The following SLC12A7 variants were observed in gnomAD, a reference collection of about 807,000 sequenced individuals.
SLC12A7 encodes solute carrier family 12 member 7, also known as K-Cl cotransporter 4.
Under a neutral mutation model 120.6 loss-of-function variants are expected in SLC12A7, and 100 were observed. The observed-to-expected ratio is 0.83, with a 90% CI of 0.71 to 0.98. SLC12A7 has a LOEUF of 0.98. Among genes scored for constraint, SLC12A7 ranks in the 50% least tolerant of loss-of-function variants. The pLI, the probability that SLC12A7 is intolerant of heterozygous loss-of-function variation, is 0.00. For missense variants in SLC12A7, 1,373 were observed against 1,548.1 expected (o/e 0.89, Z 1.90); for synonymous variants, 760 against 678.0 (o/e 1.12, Z -1.88).
At position 1,052,184 on chromosome 5, in the gene SLC12A7, C is replaced by CA. The variant is rs1169616092; in HGVS notation, c.*175dup. On this transcript the variant is annotated 3_prime_UTR_variant, in exon 24 of 24. Coordinates refer to ENST00000264930, the MANE Select transcript of SLC12A7 (RefSeq NM_006598.3). ...ATTTGCTGAGCCTGTTAAGGCTGAA[C>CA]AGGAGAGCCCTAGGTGACGGGCCTA... The CA allele has an allele frequency of 1.6e-6, 1 of 615,506 alleles. No individual in the cohort carries two copies. The highest frequency in any genetic ancestry group is 2.7e-5 in the East Asian group (1 of 36,774). The allele number at this position is 615,506 out of a possible 1,614,324, so 38.1% of individuals were successfully genotyped here. A position where few individuals can be genotyped will look rare whatever the true frequency, so the allele number is the denominator to read the frequency against.
At chr5:1,066,033 G>A (rs910047352) in intron 17 of SLC12A7, among the ~76,000 whole-genome samples, 6 of 152,100 alleles carry the variant, frequency 3.9e-5, no homozygotes, top group African/African-American at 1.2e-4. Flanking sequence ...ACCACGGAAC[G>A]GCTTGACTCC....
At chr5:1,079,537 T>G in intron 9 of SLC12A7, 41 bp from the exon 10 acceptor site, 2 of 1,529,528 alleles carry the variant, frequency 1.3e-6, no homozygotes, top group Non-Finnish European at 1.8e-6. Flanking sequence ...ATCTGAGGAG[T>G]CAGTGCCATG....
intron 5 of SLC12A7, among the ~76,000 whole-genome samples, chr5:1,088,098 C>T (rs1373056895): frequency 1.3e-5 from 2 of 152,158 alleles, no homozygotes; most frequent in South Asian, 2.1e-4. Context: ...ACGGTCACCA[C>T]GCAGCAAAAT....
At chr5:1,128,321 G>A in the SLC12A7 span, among the ~76,000 whole-genome samples, 2 of 152,202 alleles carry the variant, frequency 1.3e-5, no homozygotes, top group African/African-American at 2.4e-5. Context: ...GAGCTCTCAC[G>A]GAGCAGTCAG....
rs201059617 is a variant in SLC12A7, at chr5:1,076,778, G to T, written c.1664C>A (p.Thr555Lys). The T allele has an allele frequency of 1.2e-6, 2 of 1,610,988 alleles. No individual in the cohort carries two copies. The highest frequency in any genetic ancestry group is 1.7e-5 in the Admixed American group (1 of 60,008). The change falls in exon 13 of 24, where the codon ACG becomes AAG. Residue 555 changes from threonine (T) to lysine (K), a missense_variant. Coordinates refer to ENST00000264930, the MANE Select transcript of SLC12A7 (RefSeq NM_006598.3). Reference protein sequence around the residue: ...FGHGKANGEPTWALLLTVLIC... With the variant: ...FGHGKANGEPKWALLLTVLIC... ...GAGGACTGTCAGCAGCAGCGCCCAC[G>T]TGGGCTCCCCGTTGGCCTTCCCGTG...
intron 21 of SLC12A7, among the ~76,000 whole-genome samples, chr5:1,058,249 G>A (rs1400244808): frequency 5.9e-5 from 9 of 152,242 alleles, no homozygotes; most frequent in African/African-American, 1.2e-4. Flanking sequence ...TGTAGGCGCC[G>A]AAGGGGAAGT....
In SLC12A7 at chr5:1,053,377, A is replaced by T. The variant is rs749285491; in HGVS notation, c.3132T>A (p.Pro1044=). The stretch of plus-strand genomic sequence containing the variant: ...TCTCGTCTCCCTGCCGGTTTTTGGG[A>T]GGACCTGGCATGTTGAGCAGGACCA... ...AQLVLLNMPG[P]PKNRQGDENY... is the part of the protein sequence containing the mutation. Residue 1044 remains proline (P), a synonymous_variant, in exon 23 of 24, where the codon CCT becomes CCA. Transcript: ENST00000264930. 3 of 1,613,828 alleles carry T rather than the reference A, an allele frequency of 1.9e-6. No individual in the cohort carries two copies. The highest frequency in any genetic ancestry group is 2.5e-6 in the Non-Finnish European group (3 of 1,179,972).
intron 20 of SLC12A7, among the ~76,000 whole-genome samples, chr5:1,062,669 AGGGCTGGGGGGCTGGG>A (rs201629110): frequency 2.3e-5 from 2 of 85,850 alleles, no homozygotes; most frequent in East Asian, 3.9e-4. Flanking sequence ...TGCCATACCC[AGGGCTGGGGGGCTGGG>A]GGGCTGGGGG....
intron 5 of SLC12A7, among the ~76,000 whole-genome samples, chr5:1,087,391 C>T (rs1338583279): frequency 6.6e-6 from 1 of 152,244 alleles, no homozygotes; most frequent in African/African-American, 2.4e-5. Flanking sequence ...ATGAAAAAGG[C>T]AAAAGAGAAA....
At chr5:1,104,356 G>A (rs183744551) in intron 1 of SLC12A7, among the ~76,000 whole-genome samples, 24 of 152,306 alleles carry the variant, frequency 1.6e-4, no homozygotes, top group African/African-American at 5.8e-4. Context: ...CCGGCTGCAC[G>A]TCTGCAAGGT....
chr5:1,113,970 C>A (rs1454024542), upstream of SLC12A7, among the ~76,000 whole-genome samples: 1 of 152,236 alleles, frequency 6.6e-6, no homozygotes, highest in Non-Finnish European at 1.5e-5. Flanking sequence ...GCTCCCGTCG[C>A]ACATCCAAGC....
Position 1,073,772 on chromosome 5 carries a change from T to TCCAGGTTCAGCATCA in SLC12A7, c.2087_2101dup (p.Val696_Leu700dup). The TCCAGGTTCAGCATCA allele has an allele frequency of 1.4e-6, 2 of 1,478,408 alleles. No individual in the cohort carries two copies. Among genetic ancestry groups the TCCAGGTTCAGCATCA allele is most frequent in the Non-Finnish European group, 1.8e-6 (2 of 1,110,452 alleles). The allele number at this position is 1,478,408 out of a possible 1,614,324, so 91.6% of individuals were successfully genotyped here. On this transcript the variant is annotated inframe_insertion, in exon 17 of 24. Transcript: ENST00000264930. ...GGGGTGCTTCACGGCCTGCTCCGCGTCCAGGTTCAGCATCACCAGCACCTG... is the reference window on the plus strand; with the variant it reads ...GGGGTGCTTCACGGCCTGCTCCGCGTCCAGGTTCAGCATCACCAGGTTCAGCATCACCAGCACCTG...
At chr5:1,096,558 A>G (rs919768520) in intron 1 of SLC12A7, among the ~76,000 whole-genome samples, 2 of 151,472 alleles carry the variant, frequency 1.3e-5, no homozygotes, top group Non-Finnish European at 2.9e-5. Flanking sequence ...TTTTCTGGAC[A>G]CAACGGCCAA....
At chr5:1,083,156 G>A (rs13186385) in intron 8 of SLC12A7, among the ~76,000 whole-genome samples, 2 of 54,582 alleles carry the variant, frequency 3.7e-5, no homozygotes, top group Non-Finnish European at 4.9e-5. Flanking sequence ...CAGGCTTCCC[G>A]TCTCGGGTTC....
At chr5:1,074,729 C>T in intron 15 of SLC12A7, 58 bp from the exon 16 acceptor site, 3 of 1,514,628 alleles carry the variant, frequency 2.0e-6, no homozygotes, top group Non-Finnish European at 2.7e-6. Context: ...CCTCTCCCAC[C>T]TGGGAAAGGG....
chr5:1,133,096 T>G, the SLC12A7 span, among the ~76,000 whole-genome samples: 1 of 152,154 alleles, frequency 6.6e-6, no homozygotes, highest in African/African-American at 2.4e-5. Context: ...TTTTGTATTT[T>G]TGGTAGACGG....
chr5:1,089,588 A>G (rs971402869), intron 3 of SLC12A7, among the ~76,000 whole-genome samples: 5 of 151,770 alleles, frequency 3.3e-5, no homozygotes, highest in African/African-American at 7.3e-5. Context: ...AAAAAAAAAA[A>G]AAATCCACAG....
rs142459657 is a variant in SLC12A7, at chr5:1,078,868, G to A, written c.1397-110C>T. The A allele has an allele frequency of 1.6e-3, 1,219 of 742,228 alleles. 12 individuals carry two copies. In the African/African-American group the frequency reaches 0.017, roughly 10 times the overall value. The allele number at this position is 742,228 out of a possible 1,614,324, so 46.0% of individuals were successfully genotyped here. On this transcript the variant is annotated intron_variant, in intron 10 of 23. Coordinates refer to ENST00000264930, the MANE Select transcript of SLC12A7 (RefSeq NM_006598.3). ...GGGGAGATGCACTGGCCAGCGGGCC[G>A]CAGGATCCAGGTGGGCGGGGACCGT... is the stretch of plus-strand genomic sequence containing the variant.
the SLC12A7 span, among the ~76,000 whole-genome samples, chr5:1,138,365 G>C: frequency 6.6e-6 from 1 of 152,102 alleles, no homozygotes. Context: ...ACAGAGTGCT[G>C]ATTGCTCCAT....
Sources: gnomAD v4.1 joint callset for allele counts (sites outside exome capture counted in the v4.1 genomes callset) on GRCh38, gnomAD v4.1.1 for gene constraint, MANE v1.5 for transcripts, NCBI Gene and HGNC (gene_info 2026-07-23, HGNC 2026-07-21) for gene names.